NAALADL2: variants seen among roughly 807,000 people sequenced by gnomAD.
The protein encoded by NAALADL2 is N-acetylated alpha-linked acidic dipeptidase like 2.
NAALADL2 carries 76 observed loss-of-function variants against 87.2 expected under a neutral mutation model. The ratio of observed to expected loss-of-function variants is 0.87; its 90% CI spans 0.72 to 1.05. The LOEUF is 1.05. NAALADL2 is among the 50% of genes least tolerant of loss of function. The pLI, the probability that NAALADL2 is intolerant of heterozygous loss-of-function variation, is 0.00. For missense variants in NAALADL2, 1,089 were observed against 945.8 expected (o/e 1.15, Z -1.99); for synonymous variants, 354 against 331.0 (o/e 1.07, Z -0.75).
chr3:175,712,736 G>A, intron 11 of NAALADL2, among the ~76,000 whole-genome samples: 1 of 152,002 alleles, frequency 6.6e-6, no homozygotes, highest in African/African-American at 2.4e-5. Flanking sequence ...CTTGATTTTG[G>A]ACTTCTCAGT....
chr3:175,316,514 C>T (rs1451221223), intron 4 of NAALADL2, among the ~76,000 whole-genome samples: 1 of 152,082 alleles, frequency 6.6e-6, no homozygotes, highest in Non-Finnish European at 1.5e-5. Context: ...GAAATCTTGG[C>T]GTAAGACTTG....
intron 9 of NAALADL2, among the ~76,000 whole-genome samples, chr3:175,485,229 T>G (rs1727074557): frequency 1.3e-5 from 2 of 152,158 alleles, no homozygotes; most frequent in African/African-American, 4.8e-5. Context: ...GATTCCTCAA[T>G]GTGATGGTGT....
intron 2 of NAALADL2, among the ~76,000 whole-genome samples, chr3:175,109,278 A>T (rs775914725): frequency 8.6e-5 from 13 of 151,790 alleles, no homozygotes; most frequent in Non-Finnish European, 1.5e-4. Flanking sequence ...TAAAAGTAAC[A>T]CCTGATAGCC....
rs537187210 is a variant in NAALADL2, at chr3:174,590,842, A to C, written c.-115+40205A>C. Among the ~76,000 whole-genome samples, 8 of 152,288 alleles carry C rather than the reference A, an allele frequency of 5.3e-5. No individual in the cohort carries two copies. The East Asian group carries it at 1.5e-3, about 29-fold the overall frequency. On this transcript the variant is annotated intron_variant, in intron 2 of 3. Transcript: ENST00000434257. ...GAAACTTTTGTTACTATTTGACTAG[A>C]AATAGACATTCAATAAATACTAGCT...
rs1560446009 is a variant in NAALADL2, at chr3:174,987,585, A to AT, written c.44-109205_44-109204insT. ...CTCCGTCTCAAAAAAAAAAAAAAAA[A>AT]AAAAAAAAAAAAACAATACTCATCA... On this transcript the variant is annotated intron_variant, in intron 1 of 13. Transcript: ENST00000454872. 5.0e-3 allele frequency among the ~76,000 whole-genome samples: 679 copies of AT among 136,518 alleles called. 25 individuals carry two copies. Among genetic ancestry groups the AT allele is most frequent in the African/African-American group, 0.019 (615 of 31,846 alleles). 89.6% of individuals were successfully genotyped at this position (136,518 alleles called of 152,430 possible). A position where few individuals can be genotyped will look rare whatever the true frequency, so the allele number is the denominator to read the frequency against.
At chr3:175,753,563 T>G (rs898890191) in intron 12 of NAALADL2, among the ~76,000 whole-genome samples, 1 of 152,180 alleles carries the variant, frequency 6.6e-6, no homozygotes, top group Non-Finnish European at 1.5e-5. Flanking sequence ...GACAAACATA[T>G]TTAACGTATC....
chr3:174,811,800 T>G (rs1720243145), intron 3 of NAALADL2, among the ~76,000 whole-genome samples: 1 of 152,148 alleles, frequency 6.6e-6, no homozygotes, highest in Non-Finnish European at 1.5e-5. Context: ...CCACCCAAAC[T>G]TCATGTTGAA....
At chr3:174,925,021 G>A (rs549830628) in intron 1 of NAALADL2, among the ~76,000 whole-genome samples, 1 of 152,176 alleles carries the variant, frequency 6.6e-6, no homozygotes, top group Admixed American at 6.5e-5. Context: ...TCTGTAGGTT[G>A]CCTGCTCACT....
chr3:175,720,625 G>T (rs1183226632), intron 11 of NAALADL2, among the ~76,000 whole-genome samples: 1 of 151,612 alleles, frequency 6.6e-6, no homozygotes, highest in Non-Finnish European at 1.5e-5. Context: ...TCACAAATAG[G>T]ATATATTAAA....
intron 1 of NAALADL2, among the ~76,000 whole-genome samples, chr3:174,899,663 C>T (rs1450680740): frequency 6.6e-6 from 1 of 152,148 alleles, no homozygotes; most frequent in East Asian, 1.9e-4. Context: ...GCCAATTCCA[C>T]CTCTTTGCTT....
chr3:175,324,417 T>C (rs1464661747), intron 5 of NAALADL2, 92 bp downstream of exon 5: 1 of 970,770 alleles, frequency 1.0e-6, no homozygotes, highest in Non-Finnish European at 1.5e-6. Flanking sequence ...AATAGTGATG[T>C]CAAATAATTC....
At chr3:175,337,116 AC>A (rs1236308188) in intron 5 of NAALADL2, among the ~76,000 whole-genome samples, 1 of 148,972 alleles carries the variant, frequency 6.7e-6, no homozygotes, top group East Asian at 1.9e-4. Flanking sequence ...AATTGGAATT[AC>A]AATTCTTATG....
chr3:175,166,312 C>T (rs191639825), intron 2 of NAALADL2, among the ~76,000 whole-genome samples: 23 of 152,092 alleles, frequency 1.5e-4, no homozygotes, highest in Admixed American at 8.5e-4. Context: ...GCTTCTGATT[C>T]TCACCTCATT....
At chr3:175,449,328 C>T (rs918077023) in intron 6 of NAALADL2, among the ~76,000 whole-genome samples, 17 of 151,734 alleles carry the variant, frequency 1.1e-4, no homozygotes, top group African/African-American at 4.1e-4. Context: ...AATCCTCCTG[C>T]TTGTCTCCTA....
At chr3:175,263,027 C>T (rs1373268691) in intron 4 of NAALADL2, among the ~76,000 whole-genome samples, 2 of 149,884 alleles carry the variant, frequency 1.3e-5, no homozygotes, top group East Asian at 1.9e-4. Context: ...AAAACAATGT[C>T]TCCATCTTTT....
intron 5 of NAALADL2, among the ~76,000 whole-genome samples, chr3:175,443,006 C>T (rs1720077491): frequency 6.6e-6 from 1 of 152,118 alleles, no homozygotes; most frequent in African/African-American, 2.4e-5. Context: ...ATGTGTTTAG[C>T]TTTGTTCAAA....
chr3:174,799,106 G>A (rs1340715557), intron 3 of NAALADL2, among the ~76,000 whole-genome samples: 2 of 150,916 alleles, frequency 1.3e-5, no homozygotes, highest in Admixed American at 1.3e-4. Flanking sequence ...GGAGGCGGAG[G>A]TTGCATTGAG....
chr3:175,204,565 C>T (rs1430417096), intron 2 of NAALADL2, among the ~76,000 whole-genome samples: 1 of 152,096 alleles, frequency 6.6e-6, no homozygotes, highest in Non-Finnish European at 1.5e-5. Flanking sequence ...TCTTAGCACT[C>T]CTCTTCAACA....
At chr3:174,635,641 T>C (rs1016787547) in intron 2 of NAALADL2, among the ~76,000 whole-genome samples, 12 of 152,006 alleles carry the variant, frequency 7.9e-5, no homozygotes, top group African/African-American at 2.9e-4. Context: ...TAGCTGGGAT[T>C]ACAGGCATGT....
Sources: gnomAD v4.1 joint callset for allele counts (sites outside exome capture counted in the v4.1 genomes callset) on GRCh38, gnomAD v4.1.1 for gene constraint, MANE v1.5 for transcripts, NCBI Gene and HGNC (gene_info 2026-07-23, HGNC 2026-07-21) for gene names.